Variants in KCNH8 observed in about 807,000 individuals in gnomAD.
The protein encoded by KCNH8 is potassium voltage-gated channel subfamily H member 8, also known as voltage-gated delayed rectifier potassium channel KCNH8.
A neutral mutation model predicts 103.6 loss-of-function variants in KCNH8; 70 were observed. The observed-to-expected ratio is 0.68, with a 90% CI of 0.56 to 0.82. The LOEUF is 0.82. Ranked by LOEUF, KCNH8 falls within the 40% of genes least tolerant of loss-of-function variation. The pLI is 0.00. For missense variants in KCNH8, 1,217 were observed against 1,329.9 expected (o/e 0.92, Z 1.32); for synonymous variants, 498 against 489.4 (o/e 1.02, Z -0.23).
intron 5 of KCNH8, among the ~76,000 whole-genome samples, chr3:19,373,915 G>A (rs577092372): frequency 1.3e-5 from 2 of 152,046 alleles, no homozygotes; most frequent in South Asian, 2.1e-4. Flanking sequence ...GTAGTTGAGC[G>A]GTTTTGAGTG....
chr3:19,449,255 C>G (rs2067407578), intron 8 of KCNH8, among the ~76,000 whole-genome samples: 1 of 150,350 alleles, frequency 6.7e-6, no homozygotes. Flanking sequence ...AGGTTAAATA[C>G]TATCTGGTTG....
intron 3 of KCNH8, among the ~76,000 whole-genome samples, chr3:19,304,821 A>G (rs2065109295): frequency 6.6e-6 from 1 of 152,144 alleles, no homozygotes; most frequent in South Asian, 2.1e-4. Context: ...TGTTACTAAG[A>G]AAGTTAGTTT....
At chr3:19,358,201 TTCTTTC>T (rs147021013) in intron 5 of KCNH8, among the ~76,000 whole-genome samples, 4,272 of 151,280 alleles carry the variant, frequency 0.028, 102 homozygotes, top group Non-Finnish European at 0.044. Flanking sequence ...TCCTTCTTTT[TTCTTTC>T]TCTTTCTCTT....
intron 1 of KCNH8, among the ~76,000 whole-genome samples, chr3:19,246,238 G>A (rs1575465604): frequency 6.9e-6 from 1 of 144,264 alleles, no homozygotes; most frequent in African/African-American, 2.5e-5. Context: ...TCAAATGAAT[G>A]ATTAAATAAC....
At chr3:19,252,070 ATGAT>A (rs1258201466) in intron 1 of KCNH8, among the ~76,000 whole-genome samples, 2 of 152,186 alleles carry the variant, frequency 1.3e-5, no homozygotes, top group African/African-American at 4.8e-5. Context: ...GTATGAATGA[ATGAT>A]TAATTTGATA....
chr3:19,375,270 C>T lies in KCNH8; in HGVS notation c.812-15211C>T, dbSNP rs568354156. On this transcript the variant is annotated intron_variant, in intron 5 of 15. Transcript: ENST00000328405. Reference sequence around the variant, plus strand: ...ATCAGACGTAGATTTGGTCTTTTCACATAGTCCCATATTTCTTGGAGGCTT... The same window carrying T: ...ATCAGACGTAGATTTGGTCTTTTCATATAGTCCCATATTTCTTGGAGGCTT... 1.2e-3 allele frequency among the ~76,000 whole-genome samples: 181 copies of T among 151,352 alleles called. 1 individual carries two copies. The highest frequency in any genetic ancestry group is 4.1e-3 in the African/African-American group (169 of 41,154).
At chr3:19,246,091 A>G (rs1266092397) in intron 1 of KCNH8, among the ~76,000 whole-genome samples, 3 of 152,132 alleles carry the variant, frequency 2.0e-5, no homozygotes, top group East Asian at 3.9e-4. Context: ...TTATGAAAGT[A>G]TATAAATTTG....
chr3:19,357,939 G>A (rs576538165), intron 5 of KCNH8, among the ~76,000 whole-genome samples: 1 of 151,726 alleles, frequency 6.6e-6, no homozygotes, highest in African/African-American at 2.4e-5. Flanking sequence ...GGAACTGAAT[G>A]GGATAAAAAA....
intron 2 of KCNH8, among the ~76,000 whole-genome samples, chr3:19,264,055 A>C (rs758608735): frequency 2.0e-5 from 3 of 152,040 alleles, no homozygotes; most frequent in Admixed American, 6.6e-5. Flanking sequence ...CATGCCCTCA[A>C]ATAGAAAGCA....
Position 19,289,711 on chromosome 3 carries a change from A to G in KCNH8, c.442+8382A>G, listed in dbSNP as rs144975568. Among the ~76,000 whole-genome samples, 29 of 152,160 alleles carry G rather than the reference A, an allele frequency of 1.9e-4. 1 individual carries two copies. The highest frequency in any genetic ancestry group is 3.4e-3 in the Middle Eastern group (1 of 294). ...TTCCAGCCAAATCTTTTGGCTTAGG[A>G]TTGACTTGGCAACTCGGGCTCTTTT... On this transcript the variant is annotated intron_variant, in intron 3 of 15. Coordinates refer to ENST00000328405, the MANE Select transcript of KCNH8 (RefSeq NM_144633.3).
chr3:19,358,259 C>T (rs1341202263), intron 5 of KCNH8, among the ~76,000 whole-genome samples: 25 of 142,928 alleles, frequency 1.7e-4, no homozygotes, highest in African/African-American at 5.7e-4. Flanking sequence ...CTTTCTCTCT[C>T]TCTTTTTTTC....
chr3:19,303,850 C>T (rs1393159497), intron 3 of KCNH8, among the ~76,000 whole-genome samples: 2 of 152,098 alleles, frequency 1.3e-5, no homozygotes, highest in Non-Finnish European at 2.9e-5. Flanking sequence ...TGATCATGGG[C>T]AAGGTGATCC....
chr3:19,210,035 A>G (rs1184609436), intron 1 of KCNH8, among the ~76,000 whole-genome samples: 1 of 152,006 alleles, frequency 6.6e-6, no homozygotes, highest in Non-Finnish European at 1.5e-5. Context: ...TAGACAATTT[A>G]TATACTCTTT....
At position 19,322,087 on chromosome 3, in the gene KCNH8, T is replaced by C. The variant is rs572606100; in HGVS notation, c.443-20500T>C. Among the ~76,000 whole-genome samples, 8 of 152,224 alleles carry C rather than the reference T, an allele frequency of 5.3e-5. No individual in the cohort carries two copies. In the East Asian group the frequency reaches 1.5e-3, roughly 29 times the overall value. On this transcript the variant is annotated intron_variant, in intron 3 of 15. Transcript: ENST00000328405. ...CTAAGTTTACATGAGTCCTGACATA[T>C]CAGGTGAGTCTCTTGAAGACAGCAG...
intron 3 of KCNH8, among the ~76,000 whole-genome samples, chr3:19,306,561 A>G (rs1022015525): frequency 5.9e-5 from 9 of 152,096 alleles, no homozygotes; most frequent in African/African-American, 2.2e-4. Flanking sequence ...CTAAGGTCAT[A>G]CAGCTAGCAA....
intron 1 of KCNH8, among the ~76,000 whole-genome samples, chr3:19,228,797 T>C (rs2063961251): frequency 6.6e-6 from 1 of 152,244 alleles, no homozygotes; most frequent in Non-Finnish European, 1.5e-5. Context: ...TGCTTAATGG[T>C]TTAGCTAATA....
At chr3:19,187,988 C>G (rs1327496989) in intron 1 of KCNH8, among the ~76,000 whole-genome samples, 1 of 151,978 alleles carries the variant, frequency 6.6e-6, no homozygotes, top group Non-Finnish European at 1.5e-5. Flanking sequence ...CAGATATATT[C>G]TTAGGGTCCA....
At chr3:19,440,029 A>G (rs1055433094) in intron 8 of KCNH8, among the ~76,000 whole-genome samples, 4 of 152,116 alleles carry the variant, frequency 2.6e-5, no homozygotes, top group Admixed American at 6.5e-5. Context: ...AGTGAGTGAC[A>G]AAGACAGAAA....
intron 11 of KCNH8, among the ~76,000 whole-genome samples, chr3:19,500,896 A>T (rs1465814054): frequency 6.6e-6 from 1 of 152,168 alleles, no homozygotes; most frequent in African/African-American, 2.4e-5. Flanking sequence ...CACATTCAAA[A>T]GCTAGCAGAA....
Sources: gnomAD v4.1 joint callset for allele counts (sites outside exome capture counted in the v4.1 genomes callset) on GRCh38, gnomAD v4.1.1 for gene constraint, MANE v1.5 for transcripts, NCBI Gene and HGNC (gene_info 2026-07-23, HGNC 2026-07-21) for gene names.